EDIL3: variants seen among roughly 807,000 people sequenced by gnomAD.
EDIL3 encodes EGF-like repeat and discoidin I-like domain-containing protein 3.
Under a neutral mutation model 67.4 loss-of-function variants are expected in EDIL3, and 37 were observed. That is an observed-to-expected ratio of 0.55 (90% CI 0.42 to 0.72). The LOEUF is 0.72. EDIL3 is among the 30% of genes least tolerant of loss of function. The pLI, the probability that EDIL3 is intolerant of heterozygous loss-of-function variation, is 0.00. For synonymous variants in EDIL3, 195 were observed against 196.3 expected (o/e 0.99, Z 0.05); for missense variants, 527 against 586.3 (o/e 0.90, Z 1.04).
intron 3 of EDIL3, among the ~76,000 whole-genome samples, chr5:84,206,461 G>A (rs189971832): frequency 1.3e-5 from 2 of 152,062 alleles, no homozygotes; most frequent in East Asian, 1.9e-4. Flanking sequence ...CAATTCCTGG[G>A]TATCCTTAAG....
At chr5:84,167,504 C>T (rs1381759875) in intron 4 of EDIL3, among the ~76,000 whole-genome samples, 4 of 152,020 alleles carry the variant, frequency 2.6e-5, no homozygotes, top group Admixed American at 6.6e-5. Flanking sequence ...CTCTCTACTG[C>T]CTAATTTAGC....
At position 84,106,635 on chromosome 5, in the gene EDIL3, A is replaced by T; in HGVS notation, c.651+14T>A. The T allele has an allele frequency of 6.3e-7, 1 of 1,590,296 alleles. No homozygotes were observed. ...TGACTTATAACATTAACCTTGTCCC[A>T]TCCCATCTGTTACCTGAATCCACGG... On this transcript the variant is annotated intron_variant, in intron 6 of 10. Coordinates refer to ENST00000296591, the MANE Select transcript of EDIL3 (RefSeq NM_005711.5).
chr5:84,011,938 T>C (rs1937611989), intron 9 of EDIL3, among the ~76,000 whole-genome samples: 1 of 152,136 alleles, frequency 6.6e-6, no homozygotes, highest in African/African-American at 2.4e-5. Flanking sequence ...GATATTATCA[T>C]TAATTTCACT....
intron 1 of EDIL3, among the ~76,000 whole-genome samples, chr5:84,258,785 C>G (rs560561667): frequency 5.3e-5 from 8 of 152,170 alleles, no homozygotes; most frequent in African/African-American, 1.9e-4. Flanking sequence ...TGAAAACAAA[C>G]TCTCTCGGCT....
At chr5:84,071,478 A>G (rs1746739974) in intron 6 of EDIL3, among the ~76,000 whole-genome samples, 1 of 152,230 alleles carries the variant, frequency 6.6e-6, no homozygotes, top group South Asian at 2.1e-4. Context: ...CTGAAACATA[A>G]GACAGGAACA....
At chr5:84,124,775 G>C (rs1289497070) in intron 5 of EDIL3, among the ~76,000 whole-genome samples, 1 of 151,870 alleles carries the variant, frequency 6.6e-6, no homozygotes, top group African/African-American at 2.4e-5. Context: ...GTAGTGTTTT[G>C]CATAATGAAT....
In EDIL3 at chr5:84,349,834, A is replaced by G. The variant is rs957458450; in HGVS notation, c.67+34474T>C. On this transcript the variant is annotated intron_variant, in intron 1 of 10. Transcript: ENST00000296591. ...ATTGCATGCAATATTATAGATTTGT[A>G]AAGGTACAAATATCTTAGCAAATAC... 4.6e-5 allele frequency among the ~76,000 whole-genome samples: 7 copies of G among 152,274 alleles called. No individual in the cohort carries two copies. In the East Asian group the frequency reaches 1.4e-3, roughly 29 times the overall value.
intron 3 of EDIL3, among the ~76,000 whole-genome samples, chr5:84,211,766 C>T (rs747434825): frequency 8.5e-5 from 13 of 152,274 alleles, no homozygotes; most frequent in Middle Eastern, 3.4e-3. Context: ...AGACTTCTAG[C>T]CTCCAGAACT....
rs79600594 is a variant in EDIL3 at position 84,303,375 on chromosome 5, A to G, written c.68-49163T>C. On this transcript the variant is annotated intron_variant, in intron 1 of 10. Transcript: ENST00000296591. ...ACCTGCAAAGCTGACTGCACTACTC[A>G]TCCTCCCCTTGCTTTCCTAACCTGC... Among the ~76,000 whole-genome samples, 157 of 152,294 alleles carry G rather than the reference A, an allele frequency of 1.0e-3. 3 individuals carry two copies. The highest frequency in any genetic ancestry group is 3.6e-3 in the African/African-American group (151 of 41,554).
At chr5:84,168,270 TTC>T (rs1748746983) in intron 4 of EDIL3, among the ~76,000 whole-genome samples, 1 of 152,178 alleles carries the variant, frequency 6.6e-6, no homozygotes. Context: ...ATTTACATAC[TTC>T]TGTTATGTTT....
intron 9 of EDIL3, among the ~76,000 whole-genome samples, chr5:83,964,462 C>A (rs942562906): frequency 6.6e-6 from 1 of 151,530 alleles, no homozygotes; most frequent in African/African-American, 2.4e-5. Flanking sequence ...TGCTTTCAAC[C>A]ACTATGTCCT....
At chr5:84,109,192 T>A in intron 5 of EDIL3, among the ~76,000 whole-genome samples, 1 of 152,178 alleles carries the variant, frequency 6.6e-6, no homozygotes, top group African/African-American at 2.4e-5. Context: ...TCTTTAGTCC[T>A]GCATATTAAT....
At chr5:84,352,911 A>C (rs1041599976) in intron 1 of EDIL3, among the ~76,000 whole-genome samples, 3 of 152,194 alleles carry the variant, frequency 2.0e-5, no homozygotes, top group African/African-American at 7.2e-5. Flanking sequence ...AGGAGATGGC[A>C]TGTTAGTTTT....
intron 1 of EDIL3, among the ~76,000 whole-genome samples, chr5:84,339,377 T>G (rs1747052120): frequency 6.6e-6 from 1 of 152,146 alleles, no homozygotes; most frequent in South Asian, 2.1e-4. Context: ...ATTGTTACTA[T>G]TTTGTTCTCA....
chr5:84,288,032 G>A (rs577093058), intron 1 of EDIL3, among the ~76,000 whole-genome samples: 27 of 152,164 alleles, frequency 1.8e-4, no homozygotes, highest in African/African-American at 4.1e-4. Context: ...TTATACTCAC[G>A]AACTCACTTG....
intron 5 of EDIL3, among the ~76,000 whole-genome samples, chr5:84,132,392 T>A (rs1192294508): frequency 8.7e-5 from 8 of 91,590 alleles, no homozygotes. Context: ...ATATATTTTA[T>A]ATATAATATA....
At chr5:84,372,418 A>G (rs1747872728) in intron 1 of EDIL3, among the ~76,000 whole-genome samples, 1 of 152,186 alleles carries the variant, frequency 6.6e-6, no homozygotes, top group Non-Finnish European at 1.5e-5. Context: ...ATTGTTTTAC[A>G]GTGAGAACAT....
At chr5:84,109,010 A>G (rs1561433980) in intron 5 of EDIL3, among the ~76,000 whole-genome samples, 2 of 152,090 alleles carry the variant, frequency 1.3e-5, no homozygotes, top group African/African-American at 4.8e-5. Flanking sequence ...ACAATATCCT[A>G]TAATTCTACT....
intron 3 of EDIL3, among the ~76,000 whole-genome samples, chr5:84,218,944 A>T (rs748142542): frequency 2.0e-5 from 3 of 152,208 alleles, no homozygotes; most frequent in African/African-American, 4.8e-5. Flanking sequence ...CCCTGAAGCA[A>T]ACGACACAAG....
Sources: gnomAD v4.1 joint callset for allele counts (sites outside exome capture counted in the v4.1 genomes callset) on GRCh38, gnomAD v4.1.1 for gene constraint, MANE v1.5 for transcripts, NCBI Gene and HGNC (gene_info 2026-07-23, HGNC 2026-07-21) for gene names.